CADPS2: variants seen among roughly 807,000 people sequenced by gnomAD.
CADPS2 encodes the protein calcium dependent secretion activator 2.
In CADPS2, 93 loss-of-function variants were observed where a neutral mutation model predicts 172.5. That is an observed-to-expected ratio of 0.54 (90% CI 0.46 to 0.64). The LOEUF is 0.64. Among genes scored for constraint, CADPS2 ranks in the 30% least tolerant of loss-of-function variants. The pLI, the probability that CADPS2 is intolerant of heterozygous loss-of-function variation, is 0.00. For synonymous variants in CADPS2, 546 were observed against 555.2 expected (o/e 0.98, Z 0.23); for missense variants, 1,420 against 1,565.9 (o/e 0.91, Z 1.57).
chr7:122,345,297 T>C (rs571797829), intron 28 of CADPS2, among the ~76,000 whole-genome samples: 9 of 152,172 alleles, frequency 5.9e-5, no homozygotes, highest in African/African-American at 2.2e-4. Flanking sequence ...AGCTATGTCT[T>C]TTATTTTTTC....
intron 28 of CADPS2, among the ~76,000 whole-genome samples, chr7:122,335,542 GT>G (rs1181915794): frequency 2.0e-5 from 3 of 152,158 alleles, no homozygotes; most frequent in African/African-American, 7.2e-5. Flanking sequence ...GAGAGAAAAA[GT>G]CAACAAAAAC....
chr7:122,344,466 C>T lies in CADPS2; in HGVS notation c.3612+1108G>A, dbSNP rs148854077. 1.4e-3 allele frequency among the ~76,000 whole-genome samples: 210 copies of T among 152,214 alleles called. 1 individual carries two copies. The highest frequency in any genetic ancestry group is 4.6e-3 in the African/African-American group (193 of 41,508). On this transcript the variant is annotated intron_variant, in intron 28 of 29. Transcript: ENST00000449022. The stretch of plus-strand genomic sequence containing the variant: ...CAGATACTGAATAAATGAAACATGA[C>T]GATCACAGTATACAAAACCACAGTC...
chr7:122,832,304 A>T (rs1207941360), intron 1 of CADPS2, among the ~76,000 whole-genome samples: 2 of 138,424 alleles, frequency 1.4e-5, no homozygotes, highest in African/African-American at 2.7e-5. Flanking sequence ...AAAAGTGTGT[A>T]AAAAAAAAAA....
At chr7:122,860,335 A>G (rs865926937) in intron 1 of CADPS2, among the ~76,000 whole-genome samples, 2 of 152,134 alleles carry the variant, frequency 1.3e-5, no homozygotes, top group East Asian at 3.9e-4. Flanking sequence ...TCAAGTGATC[A>G]CCTACCTCGG....
At chr7:122,676,565 C>T (rs1588337458) in intron 2 of CADPS2, 1 of 754,068 alleles carries the variant, frequency 1.3e-6, no homozygotes, top group East Asian at 2.9e-5. Flanking sequence ...TGCTGTTAGC[C>T]CCAATTAAAT....
chr7:122,717,272 T>C lies in CADPS2; in HGVS notation c.453+19683A>G, dbSNP rs1304824818. ...TCTCAATTTGGTCCCACAAAGCAAG[T>C]AAAGTTGACAAACATTTAGTAGCAA... On this transcript the variant is annotated intron_variant, in intron 2 of 29. Coordinates refer to ENST00000449022, the MANE Select transcript of CADPS2 (RefSeq NM_017954.11). Among the ~76,000 whole-genome samples, 3 of 152,258 alleles carry C rather than the reference T, an allele frequency of 2.0e-5. 1 individual carries two copies. The East Asian group carries it at 5.8e-4, about 29-fold the overall frequency.
intron 20 of CADPS2, among the ~76,000 whole-genome samples, chr7:122,401,478 G>A (rs573890566): frequency 4.3e-4 from 66 of 152,244 alleles, no homozygotes; most frequent in African/African-American, 1.5e-3. Flanking sequence ...TTTGCAGATG[G>A]CTTTCATTTG....
In CADPS2 at chr7:122,318,499, G is replaced by T. The variant is rs962552148; in HGVS notation, c.*1666C>A. 1.3e-5 allele frequency: 2 copies of T among 152,276 alleles called. No homozygotes were observed. Among genetic ancestry groups the T allele is most frequent in the African/African-American group, 4.8e-5 (2 of 41,454 alleles). 9.4% of individuals were successfully genotyped at this position (152,276 alleles called of 1,614,324 possible). ...TACTAAGTACAGAGCAATGTGTCGT[G>T]GAACAGCAAGCTTGGGGATGGTGCC... On this transcript the variant is annotated 3_prime_UTR_variant, in exon 30 of 30. Coordinates refer to ENST00000449022, the MANE Select transcript of CADPS2 (RefSeq NM_017954.11).
rs969523068 is a variant in CADPS2 at position 122,670,503 on chromosome 7, CT to C, written c.454-6935del. Among the ~76,000 whole-genome samples the C allele has an allele frequency of 5.6e-3, 807 of 143,400 alleles. 1 individual carries two copies. Among genetic ancestry groups the C allele is most frequent in the African/African-American group, 0.014 (559 of 39,424 alleles). 94.1% of individuals were successfully genotyped at this position (143,400 alleles called of 152,430 possible). A position where few individuals can be genotyped will look rare whatever the true frequency, so the allele number is the denominator to read the frequency against. On this transcript the variant is annotated intron_variant, in intron 2 of 29. Coordinates refer to ENST00000449022, the MANE Select transcript of CADPS2 (RefSeq NM_017954.11). Reference sequence around the variant, plus strand: ...GGTGGATCACTTGAGCCCAGGAGTTCTTTTTTTTTTTTGAGATGGAGTCTCA... The same window carrying C: ...GGTGGATCACTTGAGCCCAGGAGTTCTTTTTTTTTTTGAGATGGAGTCTCA...
intron 17 of CADPS2, among the ~76,000 whole-genome samples, chr7:122,419,574 G>C (rs1213282839): frequency 6.6e-6 from 1 of 151,918 alleles, no homozygotes; most frequent in Admixed American, 6.6e-5. Context: ...TTTTGGGGTG[G>C]GGGAGAAAGA....
At chr7:122,668,076 T>G (rs1278880104) in intron 2 of CADPS2, among the ~76,000 whole-genome samples, 1 of 152,116 alleles carries the variant, frequency 6.6e-6, no homozygotes, top group Non-Finnish European at 1.5e-5. Flanking sequence ...GAGCAGACAC[T>G]GGGACATCAG....
intron 4 of CADPS2, among the ~76,000 whole-genome samples, chr7:122,626,221 T>G (rs911784533): frequency 2.6e-5 from 4 of 152,156 alleles, no homozygotes; most frequent in Non-Finnish European, 5.9e-5. Flanking sequence ...ACAGATTTAG[T>G]GCAGAACATC....
chr7:122,320,295 G>T lies in CADPS2; in HGVS notation c.3761C>A (p.Thr1254Lys). 3 of 1,609,740 alleles carry T rather than the reference G, an allele frequency of 1.9e-6. No individual in the cohort carries two copies. Among genetic ancestry groups the T allele is most frequent in the Non-Finnish European group, 2.5e-6 (3 of 1,177,834 alleles). The change falls in exon 30 of 30, where the codon ACA (threonine) becomes AAA (lysine). Residue 1254 changes from threonine to lysine, a missense_variant. Thr to Lys is a moderately conservative substitution (Grantham distance 78). Coordinates refer to ENST00000449022, the MANE Select transcript of CADPS2 (RefSeq NM_017954.11). Reference sequence around the variant, plus strand: ...AGTATCATAAGTCTTACTGTTCAGTGTTCCTTCCAACACACCCTGCAATCG... The same window carrying T: ...AGTATCATAAGTCTTACTGTTCAGTTTTCCTTCCAACACACCCTGCAATCG... Reference protein sequence around the residue: ...DFRLQGVLEGTLNSKTYDTVH... With the variant: ...DFRLQGVLEGKLNSKTYDTVH...
chr7:122,610,794 A>G (rs1459554691), intron 6 of CADPS2, among the ~76,000 whole-genome samples: 1 of 152,136 alleles, frequency 6.6e-6, no homozygotes, highest in Non-Finnish European at 1.5e-5. Context: ...AGTAGAGTAG[A>G]ATTAATAAAA....
intron 27 of CADPS2, among the ~76,000 whole-genome samples, chr7:122,350,086 G>C (rs1207939648): frequency 6.6e-6 from 1 of 152,164 alleles, no homozygotes; most frequent in Non-Finnish European, 1.5e-5. Flanking sequence ...AGAAAAGCTT[G>C]CCTTGAAGAA....
intron 2 of CADPS2, chr7:122,702,317 TG>T: frequency 6.2e-7 from 1 of 1,613,862 alleles, no homozygotes; most frequent in Non-Finnish European, 8.5e-7. Flanking sequence ...TTCCGTCCCC[TG>T]GTGAGACATG....
chr7:122,333,663 A>G (rs1394111848), intron 28 of CADPS2, among the ~76,000 whole-genome samples: 2 of 152,176 alleles, frequency 1.3e-5, no homozygotes, highest in Non-Finnish European at 2.9e-5. Flanking sequence ...ACTAGGTACA[A>G]TTAGGGGCTC....
chr7:122,811,853 C>G (rs1800090394), intron 1 of CADPS2, among the ~76,000 whole-genome samples: 1 of 151,982 alleles, frequency 6.6e-6, no homozygotes, highest in Non-Finnish European at 1.5e-5. Context: ...TTTTCAAGGA[C>G]ATTTTATTAC....
At chr7:122,583,041 C>A (rs927593621) in intron 6 of CADPS2, among the ~76,000 whole-genome samples, 4 of 151,688 alleles carry the variant, frequency 2.6e-5, no homozygotes, top group African/African-American at 9.7e-5. Flanking sequence ...ATCCCAATTC[C>A]ACTTTGCTGG....
Sources: allele counts gnomAD v4.1 joint callset (sites outside exome capture counted in the v4.1 genomes callset), GRCh38; gene constraint gnomAD v4.1.1; transcripts MANE v1.5; gene names NCBI Gene and HGNC (gene_info 2026-07-23, HGNC 2026-07-21).